Variants in CASK observed in about 807,000 individuals in gnomAD.
CASK encodes calcium/calmodulin dependent serine protein kinase.
CASK carries 4 observed loss-of-function variants against 82.9 expected under a neutral mutation model. The ratio of observed to expected loss-of-function variants is 0.05; its 90% confidence interval spans 0.02 to 0.11. CASK has a LOEUF of 0.11. CASK is among the 10% of genes least tolerant of loss of function. CASK has a pLI of 1.00. For missense variants in CASK, 358 were observed against 720.9 expected (o/e 0.50, Z 5.76); for synonymous variants, 259 against 253.5 (o/e 1.02, Z -0.20).
chrX:41,704,487 C>A (rs1371906919), intron 5 of CASK, among the ~76,000 whole-genome samples: 6 of 111,868 alleles, frequency 5.4e-5, no homozygotes, highest in Non-Finnish European at 1.1e-4. Context: ...GTCTCTTAGA[C>A]CAGGAGATGA....
intron 5 of CASK, among the ~76,000 whole-genome samples, chrX:41,693,422 T>G (rs895547259): frequency 9.0e-6 from 1 of 110,935 alleles, no homozygotes; most frequent in Non-Finnish European, 1.9e-5. Flanking sequence ...GAGACCAGCC[T>G]GGCCAACGTG....
intron 12 of CASK, among the ~76,000 whole-genome samples, chrX:41,601,354 T>C (rs1362405667): frequency 1.8e-5 from 2 of 111,953 alleles, no homozygotes; most frequent in Admixed American, 9.5e-5. Flanking sequence ...AATATGTACT[T>C]GAATGTAGAA....
chrX:41,618,477 T>G (rs1162050788), intron 11 of CASK, among the ~76,000 whole-genome samples: 1 of 111,103 alleles, frequency 9.0e-6, no homozygotes, highest in African/African-American at 3.3e-5. Context: ...TTTTAAAAAG[T>G]TTTTTGTAGA....
chrX:41,635,549 CT>C (rs1478591896), intron 9 of CASK, among the ~76,000 whole-genome samples: 1 of 111,134 alleles, frequency 9.0e-6, no homozygotes, highest in Non-Finnish European at 1.9e-5. Context: ...ATCAATTTCC[CT>C]TTGTTACTCT....
At chrX:41,837,002 T>A (rs2070937864) in intron 2 of CASK, among the ~76,000 whole-genome samples, 1 of 112,138 alleles carries the variant, frequency 8.9e-6, no homozygotes, top group Non-Finnish European at 1.9e-5. Context: ...ATCAGTTATA[T>A]CAGTCAGGGT....
chrX:41,848,113 C>A (rs895419992), intron 2 of CASK, among the ~76,000 whole-genome samples: 2 of 112,500 alleles, frequency 1.8e-5, no homozygotes, highest in Non-Finnish European at 3.8e-5. Flanking sequence ...CAGCTGTTAT[C>A]TATGCCTCAG....
intron 11 of CASK, among the ~76,000 whole-genome samples, chrX:41,612,752 G>A (rs1170460415): frequency 1.5e-5 from 1 of 68,605 alleles, no homozygotes; most frequent in Admixed American, 1.4e-4. Flanking sequence ...GGAGGGAGGT[G>A]GGGGGGGGTC....
intron 8 of CASK, among the ~76,000 whole-genome samples, chrX:41,639,298 TCTTGGCCTCGTGATCTGCCTGC>T (rs2066609391): frequency 9.1e-6 from 1 of 110,265 alleles, no homozygotes; most frequent in Non-Finnish European, 1.9e-5. Flanking sequence ...GGTCTTGATC[TCTTGGCCTCGTGATCTGCCTGC>T]CTTGGCCTCC....
chrX:41,590,342 AC>A (rs1421566557), intron 12 of CASK, among the ~76,000 whole-genome samples: 2 of 108,803 alleles, frequency 1.8e-5, no homozygotes, highest in East Asian at 5.8e-4. Flanking sequence ...CCCCGTCTCT[AC>A]TAAAAATACA....
chrX:41,738,264 C>T (rs1203367858), intron 5 of CASK, among the ~76,000 whole-genome samples: 4 of 112,845 alleles, frequency 3.5e-5, no homozygotes, highest in African/African-American at 9.7e-5. Context: ...CATGAGCCAC[C>T]GGGCTTGGCC....
At chrX:41,765,325 A>G (rs910327284) in intron 3 of CASK, among the ~76,000 whole-genome samples, 3 of 112,384 alleles carry the variant, frequency 2.7e-5, no homozygotes, top group African/African-American at 9.7e-5. Context: ...TAGTCCTTTA[A>G]ATCACAATTT....
chrX:41,728,251 A>C (rs989843366), intron 5 of CASK: 1 of 295,127 alleles, frequency 3.4e-6, no homozygotes, highest in East Asian at 5.7e-5. Flanking sequence ...AGCAAAAATT[A>C]AGCATATTGA....
chrX:41,785,201 T>G (rs1466166679), intron 3 of CASK, among the ~76,000 whole-genome samples: 4 of 110,084 alleles, frequency 3.6e-5, no homozygotes, highest in Non-Finnish European at 7.6e-5. Context: ...GAGACAGGGT[T>G]TCGCCATGTT....
chrX:41,798,523 A>G (rs983239259), intron 2 of CASK, among the ~76,000 whole-genome samples: 2 of 112,871 alleles, frequency 1.8e-5, no homozygotes, highest in African/African-American at 6.4e-5. Flanking sequence ...AGAGCAGTTA[A>G]GTAACTCATT....
At chrX:41,910,115 G>A (rs749042722) in intron 1 of CASK, among the ~76,000 whole-genome samples, 1 of 110,737 alleles carries the variant, frequency 9.0e-6, no homozygotes, top group East Asian at 2.9e-4. Flanking sequence ...CCAGCTACTC[G>A]GGAGGCTGAG....
chrX:41,817,909 G>A (rs1005539675), intron 2 of CASK, among the ~76,000 whole-genome samples: 1 of 111,111 alleles, frequency 9.0e-6, no homozygotes, highest in Non-Finnish European at 1.9e-5. Flanking sequence ...ATGATATTGG[G>A]TTGATGGGTT....
chrX:41,910,588 C>T (rs1389456072), intron 1 of CASK, among the ~76,000 whole-genome samples: 1 of 111,658 alleles, frequency 9.0e-6, no homozygotes, highest in Non-Finnish European at 1.9e-5. Context: ...CTGAAGCCAC[C>T]CAGGCAAGTC....
At chrX:41,874,187 AAAATTTT>A (rs1366908501) in intron 1 of CASK, among the ~76,000 whole-genome samples, 1 of 110,786 alleles carries the variant, frequency 9.0e-6, no homozygotes, top group Non-Finnish European at 1.9e-5. Flanking sequence ...TTTTTTTTTA[AAAATTTT>A]AAGTTCTGGG....
At chrX:41,847,495 T>C (rs1341641952) in intron 2 of CASK, among the ~76,000 whole-genome samples, 1 of 111,958 alleles carries the variant, frequency 8.9e-6, no homozygotes, top group Non-Finnish European at 1.9e-5. Flanking sequence ...TACTTTCCAT[T>C]TGGTAACTCT....
Sources: allele counts gnomAD v4.1 joint callset (sites outside exome capture counted in the v4.1 genomes callset), GRCh38; gene constraint gnomAD v4.1.1; transcripts MANE v1.5; gene names NCBI Gene and HGNC (gene_info 2026-07-23, HGNC 2026-07-21).